GPHN: variants seen among roughly 807,000 people sequenced by gnomAD.
GPHN encodes the protein gephyrin.
Under a neutral mutation model 95.5 loss-of-function variants are expected in GPHN, and 17 were observed. That is an observed-to-expected ratio of 0.18 (90% CI 0.12 to 0.27). The LOEUF (loss-of-function observed/expected upper bound fraction) is 0.27, where lower values mean the gene tolerates loss of function less well. GPHN is among the 10% of genes least tolerant of loss of function. GPHN has a pLI of 1.00. For synonymous variants in GPHN, 320 were observed against 322.5 expected, an observed-to-expected ratio of 0.99 and a Z score of 0.08; for missense variants, 660 against 978.1, an observed-to-expected ratio of 0.67 and a Z score of 4.34.
intron 11 of GPHN, among the ~76,000 whole-genome samples, chr14:67,078,496 G>A (rs1384002300): frequency 1.3e-5 from 2 of 152,068 alleles, no homozygotes; most frequent in Non-Finnish European, 2.9e-5. Flanking sequence ...AAAATCACAA[G>A]CACAAGTTTT....
chr14:66,882,679 A>G (rs1431216195), intron 5 of GPHN, among the ~76,000 whole-genome samples: 2 of 151,614 alleles, frequency 1.3e-5, no homozygotes, highest in Non-Finnish European at 3.0e-5. Flanking sequence ...ACTCGTAGTA[A>G]CTCTTAAGTG....
intron 9 of GPHN, among the ~76,000 whole-genome samples, chr14:66,994,519 T>C (rs2071652041): frequency 6.6e-6 from 1 of 152,200 alleles, no homozygotes; most frequent in South Asian, 2.1e-4. Context: ...CACCATAGAA[T>C]TGCCCTCCTC....
the GPHN span, among the ~76,000 whole-genome samples, chr14:67,621,382 C>G: frequency 6.6e-6 from 1 of 152,014 alleles, no homozygotes; most frequent in African/African-American, 2.4e-5. Flanking sequence ...TTACTGGAAG[C>G]AGTAATATAG....
the GPHN span, chr14:67,587,077 G>A: frequency 6.3e-7 from 1 of 1,599,756 alleles, no homozygotes; most frequent in South Asian, 1.1e-5. Flanking sequence ...CTCTTAGATT[G>A]CAGAAGCTAC....
intron 1 of GPHN, among the ~76,000 whole-genome samples, chr14:66,629,173 A>ATACT (rs1555364857): frequency 2.2e-5 from 2 of 90,626 alleles, no homozygotes; most frequent in African/African-American, 6.1e-5. Context: ...ATATAAATAT[A>ATACT]TATATACATA....
At chr14:66,673,191 C>G (rs1258350353) in intron 1 of GPHN, among the ~76,000 whole-genome samples, 1 of 152,168 alleles carries the variant, frequency 6.6e-6, no homozygotes, top group Non-Finnish European at 1.5e-5. Flanking sequence ...CTCCTGGGTT[C>G]AAGCGATTCT....
At chr14:67,498,672 G>T in the GPHN span, among the ~76,000 whole-genome samples, 1 of 152,062 alleles carries the variant, frequency 6.6e-6, no homozygotes. Context: ...GTTGTTGTTG[G>T]TTTTCCTTTT....
At chr14:67,199,799 G>A in the GPHN span, 1 of 1,520,144 alleles carries the variant, frequency 6.6e-7, no homozygotes, top group South Asian at 1.3e-5. Flanking sequence ...CCCACCCCCA[G>A]TGCTGCCTCC....
chr14:67,506,658 G>T, the GPHN span, among the ~76,000 whole-genome samples: 3 of 152,262 alleles, frequency 2.0e-5, no homozygotes, highest in African/African-American at 7.2e-5. Flanking sequence ...AATGAAAATA[G>T]AAGGAATGAA....
the GPHN span, chr14:67,270,228 G>GC: frequency 6.6e-6 from 1 of 151,988 alleles, no homozygotes; most frequent in African/African-American, 2.4e-5. Flanking sequence ...GCTTCCCATT[G>GC]CCCCCTTCTC....
the GPHN span, chr14:67,571,768 G>A: frequency 6.2e-7 from 1 of 1,613,876 alleles, no homozygotes; most frequent in African/African-American, 1.3e-5. Context: ...ACACAGATCA[G>A]CAACATGCCC....
intron 11 of GPHN, among the ~76,000 whole-genome samples, chr14:67,079,196 T>TA (rs554213494): frequency 7.2e-5 from 11 of 151,896 alleles, no homozygotes; most frequent in African/African-American, 1.7e-4. Context: ...TACTTGCCTT[T>TA]AAAAAAAATT....
chr14:67,097,911 C>A (rs904575625), intron 12 of GPHN, among the ~76,000 whole-genome samples: 5 of 152,032 alleles, frequency 3.3e-5, no homozygotes, highest in African/African-American at 1.2e-4. Context: ...TACATACATA[C>A]ACGTATATAA....
chr14:66,658,386 G>A (rs555554519), intron 1 of GPHN, among the ~76,000 whole-genome samples: 1 of 152,154 alleles, frequency 6.6e-6, no homozygotes, highest in African/African-American at 2.4e-5. Flanking sequence ...TAAAACAGTG[G>A]CAGGATCTGT....
the GPHN span, among the ~76,000 whole-genome samples, chr14:67,273,711 A>G: frequency 9.2e-5 from 14 of 152,166 alleles, no homozygotes; most frequent in Admixed American, 9.2e-4. Flanking sequence ...GTCTTCCACA[A>G]TGGTTGAACT....
intron 18 of GPHN, among the ~76,000 whole-genome samples, chr14:67,144,583 T>C (rs1032831618): frequency 1.3e-5 from 2 of 152,096 alleles, no homozygotes; most frequent in African/African-American, 4.8e-5. Flanking sequence ...ACTGAAAAAT[T>C]ACAAAAATAC....
chr14:66,688,742 A>T (rs1446413354), intron 2 of GPHN, among the ~76,000 whole-genome samples: 1 of 152,196 alleles, frequency 6.6e-6, no homozygotes, highest in South Asian at 2.1e-4. Flanking sequence ...GTGTTGAATG[A>T]AAGTTGTGAA....
chr14:66,895,361 G>C (rs1024382052), intron 5 of GPHN, among the ~76,000 whole-genome samples: 2 of 152,208 alleles, frequency 1.3e-5, no homozygotes. Context: ...CCTGTTGTGG[G>C]ATGCGGGGAG....
the GPHN span, among the ~76,000 whole-genome samples, chr14:67,220,729 ACATT>A: frequency 1.3e-5 from 2 of 152,188 alleles, no homozygotes; most frequent in African/African-American, 4.8e-5. Flanking sequence ...TTTTCAAGGT[ACATT>A]TACCTGATGC....
Sources: gnomAD v4.1 joint callset for allele counts (sites outside exome capture counted in the v4.1 genomes callset) on GRCh38, gnomAD v4.1.1 for gene constraint, MANE v1.5 for transcripts, NCBI Gene and HGNC (gene_info 2026-07-23, HGNC 2026-07-21) for gene names.